Variants in MAN1A1 observed in about 807,000 individuals in gnomAD.
MAN1A1 encodes mannosidase alpha class 1A member 1.
Under a neutral mutation model 70.8 loss-of-function variants are expected in MAN1A1, and 29 were observed. The observed-to-expected ratio is 0.41, with a 90% CI of 0.31 to 0.56. The LOEUF is 0.56. Among genes scored for constraint, MAN1A1 ranks in the 20% least tolerant of loss-of-function variants. MAN1A1 has a pLI of 0.29. For missense variants in MAN1A1, 747 were observed against 841.3 expected (o/e 0.89, Z 1.39); for synonymous variants, 349 against 330.1 (o/e 1.06, Z -0.62).
chr6:119,329,896 T>C (rs181867077), intron 2 of MAN1A1, among the ~76,000 whole-genome samples: 422 of 152,226 alleles, frequency 2.8e-3, no homozygotes, highest in Admixed American at 4.8e-3. Flanking sequence ...TCTTACCAAA[T>C]CCACAGAACA....
chr6:119,300,972 T>C (rs1222538179), intron 4 of MAN1A1, among the ~76,000 whole-genome samples: 1 of 152,232 alleles, frequency 6.6e-6, no homozygotes, highest in East Asian at 1.9e-4. Context: ...TACTGATCCT[T>C]AATATTCTAC....
At chr6:119,291,539 T>C (rs530351260) in intron 4 of MAN1A1, among the ~76,000 whole-genome samples, 1 of 151,260 alleles carries the variant, frequency 6.6e-6, no homozygotes, top group South Asian at 2.1e-4. Flanking sequence ...TTTTTTTTTC[T>C]GCTCTGCATT....
intron 8 of MAN1A1, among the ~76,000 whole-genome samples, chr6:119,197,208 C>T (rs1392750589): frequency 6.6e-6 from 1 of 151,674 alleles, no homozygotes; most frequent in Non-Finnish European, 1.5e-5. Context: ...ACTTGGGAGG[C>T]TGATGCAGGA....
intron 2 of MAN1A1, among the ~76,000 whole-genome samples, chr6:119,342,804 G>A (rs1040636552): frequency 1.3e-5 from 2 of 152,132 alleles, no homozygotes; most frequent in Non-Finnish European, 2.9e-5. Flanking sequence ...AATATCAGAA[G>A]AGCACACACA....
At chr6:119,282,841 T>C (rs1013763774) in intron 5 of MAN1A1, among the ~76,000 whole-genome samples, 10 of 152,212 alleles carry the variant, frequency 6.6e-5, no homozygotes, top group Non-Finnish European at 1.3e-4. Flanking sequence ...TTGGCATAAA[T>C]GTGTCATTAA....
At position 119,193,713 on chromosome 6, in the gene MAN1A1, C is replaced by G. The variant is rs1057255697; in HGVS notation, c.1326+64G>C. ...GTAGTATACCACTTATTCATTAAAACTTGATTAATATACAAATTATAAGTT... is the reference window on the plus strand; with the variant it reads ...GTAGTATACCACTTATTCATTAAAAGTTGATTAATATACAAATTATAAGTT... On this transcript the variant is annotated intron_variant, in intron 9 of 12. Transcript: ENST00000368468. The G allele has an allele frequency of 5.3e-6, 6 of 1,128,202 alleles. No individual in the cohort carries two copies. The African/African-American group carries it at 9.4e-5, about 18-fold the overall frequency. 69.9% of individuals were successfully genotyped at this position (1,128,202 alleles called of 1,614,324 possible). A position where few individuals can be genotyped will look rare whatever the true frequency, so the allele number is the denominator to read the frequency against.
chr6:119,227,244 T>G, intron 6 of MAN1A1, among the ~76,000 whole-genome samples: 1 of 152,294 alleles, frequency 6.6e-6, no homozygotes, highest in South Asian at 2.1e-4. Flanking sequence ...CAGCAACATA[T>G]CAGTGGTTGC....
At chr6:119,319,401 T>C (rs1378480663) in intron 2 of MAN1A1, among the ~76,000 whole-genome samples, 11 of 150,664 alleles carry the variant, frequency 7.3e-5, no homozygotes, top group Admixed American at 7.3e-4. Context: ...ATCATCATCA[T>C]CATCATTCAT....
At chr6:119,182,439 A>G (rs886994336) in intron 11 of MAN1A1, among the ~76,000 whole-genome samples, 8 of 151,694 alleles carry the variant, frequency 5.3e-5, no homozygotes, top group African/African-American at 1.9e-4. Flanking sequence ...GCTCAATGTC[A>G]AGGAGCTTTT....
intron 3 of MAN1A1, among the ~76,000 whole-genome samples, chr6:119,303,734 T>C (rs868103364): frequency 4.6e-5 from 7 of 152,106 alleles, no homozygotes; most frequent in Non-Finnish European, 8.8e-5. Context: ...ATTGTTGATA[T>C]GTCAGCCGCA....
At chr6:119,236,154 A>C (rs1363076892) in intron 6 of MAN1A1, among the ~76,000 whole-genome samples, 1 of 151,428 alleles carries the variant, frequency 6.6e-6, no homozygotes, top group East Asian at 2.0e-4. Context: ...AAAAAAAAGA[A>C]TTATGCTAAA....
intron 2 of MAN1A1, among the ~76,000 whole-genome samples, chr6:119,332,685 CG>C (rs1341459048): frequency 1.3e-5 from 2 of 150,012 alleles, no homozygotes; most frequent in Non-Finnish European, 3.0e-5. Context: ...GGCGTGGTGG[CG>C]GGCACCTGTA....
intron 2 of MAN1A1, among the ~76,000 whole-genome samples, chr6:119,326,491 G>A (rs891358702): frequency 2.0e-5 from 3 of 152,166 alleles, no homozygotes; most frequent in Non-Finnish European, 2.9e-5. Context: ...ATGCAGGCTC[G>A]GATGCCTGCC....
intron 8 of MAN1A1, among the ~76,000 whole-genome samples, chr6:119,195,588 C>G (rs1235401744): frequency 6.6e-6 from 1 of 152,168 alleles, no homozygotes; most frequent in Non-Finnish European, 1.5e-5. Flanking sequence ...TTTCTTCTGT[C>G]TCCTCCACAA....
At chr6:119,270,981 C>A (rs1386298227) in intron 5 of MAN1A1, among the ~76,000 whole-genome samples, 2 of 152,224 alleles carry the variant, frequency 1.3e-5, no homozygotes, top group African/African-American at 4.8e-5. Context: ...CTTCTTTCCA[C>A]TATCCACCAA....
chr6:119,302,776 A>C (rs1772428110), intron 3 of MAN1A1, among the ~76,000 whole-genome samples: 1 of 152,214 alleles, frequency 6.6e-6, no homozygotes, highest in Admixed American at 6.5e-5. Flanking sequence ...GCACCTGTGC[A>C]AAACTTTAAA....
chr6:119,203,499 G>A (rs528917909), intron 7 of MAN1A1, among the ~76,000 whole-genome samples: 42 of 151,968 alleles, frequency 2.8e-4, no homozygotes, highest in Non-Finnish European at 5.1e-4. Context: ...CCACAATAAG[G>A]GCATATTTTA....
intron 2 of MAN1A1, among the ~76,000 whole-genome samples, chr6:119,307,209 G>C (rs1181977787): frequency 6.6e-6 from 1 of 152,132 alleles, no homozygotes; most frequent in Non-Finnish European, 1.5e-5. Context: ...CAAATGGGAA[G>C]TTTTCGTTTT....
At chr6:119,344,843 T>G (rs1022151907) in intron 2 of MAN1A1, among the ~76,000 whole-genome samples, 1 of 152,244 alleles carries the variant, frequency 6.6e-6, no homozygotes, top group Non-Finnish European at 1.5e-5. Flanking sequence ...GAAAATGTTC[T>G]TTAAATTCAT....
Sources: allele counts gnomAD v4.1 joint callset (sites outside exome capture counted in the v4.1 genomes callset), GRCh38; gene constraint gnomAD v4.1.1; transcripts MANE v1.5; gene names NCBI Gene and HGNC (gene_info 2026-07-23, HGNC 2026-07-21).